Variants in PRKN observed in about 807,000 individuals in gnomAD.
The protein encoded by PRKN is E3 ubiquitin-protein ligase parkin.
A neutral mutation model predicts 59.5 loss-of-function variants in PRKN; 56 were observed. The observed-to-expected ratio is 0.94, with a 90% CI of 0.76 to 1.18. PRKN has a LOEUF of 1.18. Ranked by LOEUF, PRKN falls within the 50% of genes most tolerant of loss-of-function variation. The pLI, the probability that PRKN is intolerant of heterozygous loss-of-function variation, is 0.00. For synonymous variants in PRKN, 250 were observed against 222.1 expected, an observed-to-expected ratio of 1.13 and a Z score of -1.12; for missense variants, 657 against 596.4, an observed-to-expected ratio of 1.10 and a Z score of -1.06.
At chr6:161,435,132 A>T (rs1417675907) in intron 9 of PRKN, among the ~76,000 whole-genome samples, 1 of 152,192 alleles carries the variant, frequency 6.6e-6, no homozygotes, top group Non-Finnish European at 1.5e-5. Context: ...GAAATAACAC[A>T]TGGGCTTTTG....
intron 6 of PRKN, among the ~76,000 whole-genome samples, chr6:161,874,428 GTAAAATA>G (rs1794561900): frequency 1.4e-5 from 1 of 73,102 alleles, no homozygotes; most frequent in Non-Finnish European, 2.3e-5. Flanking sequence ...TATATTATAT[GTAAAATA>G]TTATATATAA....
intron 1 of PRKN, among the ~76,000 whole-genome samples, chr6:162,534,507 C>G (rs570770676): frequency 6.6e-6 from 1 of 152,108 alleles, no homozygotes; most frequent in Non-Finnish European, 1.5e-5. Context: ...TTCATTAGAC[C>G]GCACACTCCT....
intron 6 of PRKN, among the ~76,000 whole-genome samples, chr6:161,897,759 A>T (rs1583314531): frequency 6.6e-6 from 1 of 151,100 alleles, no homozygotes; most frequent in Non-Finnish European, 1.5e-5. Flanking sequence ...AGGCGGGTGG[A>T]TCACGAGGTC....
At chr6:162,651,929 T>A (rs548168330) in intron 1 of PRKN, among the ~76,000 whole-genome samples, 1 of 152,242 alleles carries the variant, frequency 6.6e-6, no homozygotes, top group Admixed American at 6.5e-5. Context: ...TTCATATGCA[T>A]AATGTGGGCC....
At chr6:161,962,859 A>G (rs1780435031) in intron 6 of PRKN, among the ~76,000 whole-genome samples, 1 of 150,942 alleles carries the variant, frequency 6.6e-6, no homozygotes, top group Non-Finnish European at 1.5e-5. Context: ...AATATCCACC[A>G]ACAGGCCAGG....
chr6:161,827,017 T>C (rs1269612973), intron 6 of PRKN, among the ~76,000 whole-genome samples: 5 of 152,170 alleles, frequency 3.3e-5, no homozygotes, highest in Non-Finnish European at 7.3e-5. Flanking sequence ...GGAGGCTTAA[T>C]TGTAGGTAGG....
chr6:162,239,288 T>C (rs910161414), intron 3 of PRKN, among the ~76,000 whole-genome samples: 3 of 152,184 alleles, frequency 2.0e-5, no homozygotes, highest in African/African-American at 7.2e-5. Flanking sequence ...TTTTATTTTC[T>C]ATTTTATCTA....
intron 9 of PRKN, among the ~76,000 whole-genome samples, chr6:161,512,017 T>C (rs1352666080): frequency 3.3e-5 from 5 of 152,194 alleles, no homozygotes; most frequent in Admixed American, 1.3e-4. Flanking sequence ...CACACCTACA[T>C]TGTTGTCACT....
At chr6:162,523,757 G>A (rs940287693) in intron 1 of PRKN, among the ~76,000 whole-genome samples, 14 of 151,936 alleles carry the variant, frequency 9.2e-5, no homozygotes, top group Middle Eastern at 6.8e-3. Flanking sequence ...TGGCTCATGC[G>A]TATAATCCCA....
intron 5 of PRKN, among the ~76,000 whole-genome samples, chr6:161,979,937 G>A (rs1275795742): frequency 6.6e-6 from 1 of 152,146 alleles, no homozygotes; most frequent in Non-Finnish European, 1.5e-5. Context: ...AAATAGCCCA[G>A]CAAAATCTGA....
chr6:161,835,764 C>T (rs965882968), intron 6 of PRKN, among the ~76,000 whole-genome samples: 1 of 152,158 alleles, frequency 6.6e-6, no homozygotes, highest in Non-Finnish European at 1.5e-5. Flanking sequence ...CTTTTAAAAG[C>T]CTTTTTAATT....
At chr6:161,845,716 C>A (rs1793172870) in intron 6 of PRKN, among the ~76,000 whole-genome samples, 1 of 152,176 alleles carries the variant, frequency 6.6e-6, no homozygotes, top group African/African-American at 2.4e-5. Context: ...CATTCTCAGA[C>A]AATGGTCAAA....
intron 2 of PRKN, among the ~76,000 whole-genome samples, chr6:162,395,423 T>A (rs9347630): frequency 0.42 from 64,466 of 151,982 alleles, 14,364 homozygotes; most frequent in East Asian, 0.7. Flanking sequence ...CCACATGCAC[T>A]TCAGTTTGCC....
At chr6:162,579,196 C>A (rs575613225) in intron 1 of PRKN, among the ~76,000 whole-genome samples, 14 of 152,286 alleles carry the variant, frequency 9.2e-5, no homozygotes, top group African/African-American at 3.1e-4. Flanking sequence ...TCCATTGAAT[C>A]TATCTGTCAC....
chr6:161,816,806 T>C (rs892852967), intron 6 of PRKN, among the ~76,000 whole-genome samples: 1 of 152,134 alleles, frequency 6.6e-6, no homozygotes, highest in South Asian at 2.1e-4. Context: ...AAAAGGATTG[T>C]CACTATGCTG....
chr6:162,092,816 C>T lies in PRKN; in HGVS notation c.535-38642G>A, dbSNP rs546853248. 7.9e-5 allele frequency among the ~76,000 whole-genome samples: 12 copies of T among 152,278 alleles called. No individual in the cohort carries two copies. The South Asian group carries it at 2.3e-3, about 29-fold the overall frequency. ...TTTTTAAAAAATAAACATTCGGATG[C>T]TGACGAAGTAGAAAATTAGTCTTCT... On this transcript the variant is annotated intron_variant, in intron 4 of 11. Transcript: ENST00000366898.
chr6:162,310,497 C>T (rs907840003), intron 2 of PRKN, among the ~76,000 whole-genome samples: 2 of 152,090 alleles, frequency 1.3e-5, no homozygotes, highest in African/African-American at 4.8e-5. Context: ...GGAGCAACAG[C>T]CCTGCCGACA....
chr6:162,229,299 C>A (rs1778318499), intron 3 of PRKN, among the ~76,000 whole-genome samples: 1 of 152,246 alleles, frequency 6.6e-6, no homozygotes, highest in South Asian at 2.1e-4. Flanking sequence ...TCCTTAATTT[C>A]TCTATTTCCA....
rs182218307 is a variant in PRKN at position 162,384,786 on chromosome 6, C to T, written c.171+58524G>A. ...CATTTCTTTAAATTGTCTTATATGG[C>T]GGGTATTACTTTTTCCTATTTCACA... On this transcript the variant is annotated intron_variant, in intron 2 of 11. Transcript: ENST00000366898. 3.3e-5 allele frequency among the ~76,000 whole-genome samples: 5 copies of T among 151,896 alleles called. No homozygotes were observed. The East Asian group carries it at 5.8e-4, about 18-fold the overall frequency.
Sources: gnomAD v4.1 joint callset for allele counts (sites outside exome capture counted in the v4.1 genomes callset) on GRCh38, gnomAD v4.1.1 for gene constraint, MANE v1.5 for transcripts, NCBI Gene and HGNC (gene_info 2026-07-23, HGNC 2026-07-21) for gene names.